SEC14L6: variants seen among roughly 807,000 people sequenced by gnomAD.
SEC14L6 encodes SEC14 like lipid binding 6.
Under a neutral mutation model 54.1 loss-of-function variants are expected in SEC14L6, and 40 were observed. The ratio of observed to expected loss-of-function variants is 0.74; its 90% confidence interval spans 0.57 to 0.96. The LOEUF (loss-of-function observed/expected upper bound fraction) is 0.96, where lower values mean the gene tolerates loss of function less well. Ranked by LOEUF, SEC14L6 falls within the 40% of genes least tolerant of loss-of-function variation. The pLI is 0.00. For synonymous variants in SEC14L6, 171 were observed against 198.4 expected (o/e 0.86, Z 1.16); for missense variants, 471 against 498.3 (o/e 0.95, Z 0.52).
In SEC14L6 at chr22:30,529,110, C is replaced by A. The variant is rs754377152; in HGVS notation, c.641G>T (p.Arg214Leu). The change falls in exon 8 of 12, where the codon CGC (arginine) becomes CTC (leucine). Residue 214 changes from arginine to leucine, a missense_variant. Arg to Leu is a moderately radical substitution (Grantham distance 102). Coordinates refer to ENST00000402034, the MANE Select transcript of SEC14L6 (RefSeq NM_001193336.4). Reference protein sequence around the residue: ...LVKSYMSEETRRKVVILGDNW... With the variant: ...LVKSYMSEETLRKVVILGDNW... Reference sequence around the variant, plus strand: ...ACCTCCGAGAATCACCACCTTCCTGCGTGTCTCTTCACTCATGTAAGACTT... The same window carrying A: ...ACCTCCGAGAATCACCACCTTCCTGAGTGTCTCTTCACTCATGTAAGACTT... 2 of 1,551,138 alleles carry A rather than the reference C, an allele frequency of 1.3e-6. No homozygotes were observed. Among genetic ancestry groups the A allele is most frequent in the Non-Finnish European group, 1.7e-6 (2 of 1,147,076 alleles).
intron 2 of SEC14L6, among the ~76,000 whole-genome samples, chr22:30,535,113 TATC>T (rs1937103466): frequency 6.6e-6 from 1 of 152,162 alleles, no homozygotes; most frequent in Non-Finnish European, 1.5e-5. Context: ...TTTATAGAAA[TATC>T]ATTTTGTTTT....
intron 6 of SEC14L6, among the ~76,000 whole-genome samples, chr22:30,531,157 C>A (rs932214989): frequency 1.3e-5 from 2 of 152,128 alleles, no homozygotes; most frequent in African/African-American, 4.8e-5. Flanking sequence ...CCTATAATCC[C>A]AGCACTTTGG....
intron 1 of SEC14L6, chr22:30,543,921 A>G: frequency 1.9e-6 from 3 of 1,605,388 alleles, no homozygotes; most frequent in Non-Finnish European, 2.6e-6. Flanking sequence ...ACAACCACAC[A>G]GAGTATGCCA....
intron 8 of SEC14L6, among the ~76,000 whole-genome samples, chr22:30,526,957 G>A (rs908141820): frequency 1.3e-5 from 2 of 152,002 alleles, no homozygotes; most frequent in Non-Finnish European, 2.9e-5. Flanking sequence ...AATGTGCCAC[G>A]TGTGGTAGTG....
intron 10 of SEC14L6, 23 bp downstream of exon 10, chr22:30,525,588 T>C: frequency 6.2e-7 from 1 of 1,610,090 alleles, no homozygotes; most frequent in Non-Finnish European, 8.5e-7. Context: ...TGTGCCCAGG[T>C]GTAGAGTGGC....
chr22:30,542,441 G>A, intron 1 of SEC14L6: 1 of 485,296 alleles, frequency 2.1e-6, no homozygotes, highest in Admixed American at 4.2e-5. Context: ...TTAAGAGGAC[G>A]ATGTAGCCAG....
Position 30,525,650 on chromosome 22 carries a change from T to G in SEC14L6, c.872A>C (p.Gln291Pro), listed in dbSNP as rs1936747473. 2 of 1,610,690 alleles carry G rather than the reference T, an allele frequency of 1.2e-6. No individual in the cohort carries two copies. Among genetic ancestry groups the G allele is most frequent in the Admixed American group, 1.7e-5 (1 of 59,454 alleles). Residue 291 changes from glutamine to proline, a missense_variant, in exon 10 of 12, where the codon CAG becomes CCG. By Grantham distance (76) the Gln-to-Pro change is moderately conservative. Coordinates refer to ENST00000402034, the MANE Select transcript of SEC14L6 (RefSeq NM_001193336.4). ...TRSVGRGSSL[Q>P]VENEILFPGC... ...CGGGAACAGGATCTCGTTCTCCACC[T>G]GCAGGGAGGAGCCGCGGCCCACGGA...
intron 1 of SEC14L6, 123 bp downstream of exon 1, chr22:30,546,506 T>A: frequency 1.3e-6 from 1 of 774,906 alleles, no homozygotes; most frequent in Non-Finnish European, 2.0e-6. Context: ...ACCAAGCCCC[T>A]CAGGGTTGGG....
chr22:30,545,392 A>G (rs1640006122), intron 1 of SEC14L6, among the ~76,000 whole-genome samples: 1 of 151,404 alleles, frequency 6.6e-6, no homozygotes, highest in African/African-American at 2.4e-5. Flanking sequence ...TCCCCTCAAA[A>G]CACTCATTTT....
At chr22:30,541,047 CT>C (rs1395270559) in intron 1 of SEC14L6, among the ~76,000 whole-genome samples, 2 of 150,992 alleles carry the variant, frequency 1.3e-5, no homozygotes, top group African/African-American at 4.9e-5. Flanking sequence ...ATTACTTGAA[CT>C]TTTTTTTAAT....
chr22:30,544,778 C>T (rs985196831), intron 1 of SEC14L6, among the ~76,000 whole-genome samples: 3 of 152,156 alleles, frequency 2.0e-5, no homozygotes, highest in African/African-American at 7.2e-5. Context: ...CCCTTCTAGA[C>T]CTGAGCTTGC....
intron 8 of SEC14L6, among the ~76,000 whole-genome samples, chr22:30,527,943 CA>C (rs1217936338): frequency 6.6e-6 from 1 of 151,530 alleles, no homozygotes; most frequent in Non-Finnish European, 1.5e-5. Context: ...TAAGTAGTTA[CA>C]AAAGGGTATA....
chr22:30,532,985 C>A, intron 3 of SEC14L6, 129 bp from the exon 4 acceptor site: 1 of 1,504,656 alleles, frequency 6.6e-7, no homozygotes, highest in South Asian at 1.3e-5. Context: ...CCCCAGGCTC[C>A]ACTGACATAG....
At chr22:30,532,026 C>A in intron 5 of SEC14L6, 28 bp from the exon 6 acceptor site, 1 of 1,545,872 alleles carries the variant, frequency 6.5e-7, no homozygotes. Context: ...GGGGTGAGAC[C>A]CTGTGAGGGC....
chr22:30,535,232 G>A (rs1448820385), intron 2 of SEC14L6, among the ~76,000 whole-genome samples: 3 of 152,142 alleles, frequency 2.0e-5, no homozygotes, highest in African/African-American at 7.2e-5. Flanking sequence ...GGTCCTAGCG[G>A]CCCCAGCAGG....
At chr22:30,540,209 G>A (rs1318463676) in intron 1 of SEC14L6, among the ~76,000 whole-genome samples, 1 of 152,108 alleles carries the variant, frequency 6.6e-6, no homozygotes, top group East Asian at 1.9e-4. Context: ...AATTCGCTAA[G>A]TGAGGAAACT....
In SEC14L6 at chr22:30,533,991, C is replaced by A. The variant is rs1005520467; in HGVS notation, c.174+5G>T. On this transcript the variant is annotated splice_donor_5th_base_variant and intron_variant, in intron 3 of 11. Coordinates refer to ENST00000402034, the MANE Select transcript of SEC14L6 (RefSeq NM_001193336.4). Reference sequence around the variant, plus strand: ...AGGCTAGGCAGGGGGAGGTGTCAACCTCACCTTCCTCAGCATGTCCTCTGA... The same window carrying A: ...AGGCTAGGCAGGGGGAGGTGTCAACATCACCTTCCTCAGCATGTCCTCTGA... The A allele has an allele frequency of 6.5e-7, 1 of 1,550,336 alleles. No individual in the cohort carries two copies.
chr22:30,524,871 A>G lies in SEC14L6; in HGVS notation c.*126T>C. On this transcript the variant is annotated 3_prime_UTR_variant, in exon 12 of 12. Coordinates refer to ENST00000402034, the MANE Select transcript of SEC14L6 (RefSeq NM_001193336.4). ...GAGGAGTGGGCCAGCTGTGATGCATAGGCTGTGACCTGCTGTTGTAGAATC... is the reference window on the plus strand; with the variant it reads ...GAGGAGTGGGCCAGCTGTGATGCATGGGCTGTGACCTGCTGTTGTAGAATC... 1.5e-6 allele frequency: 1 copy of G among 648,944 alleles called. No homozygotes were observed. Among genetic ancestry groups the G allele is most frequent in the Admixed American group, 2.2e-5 (1 of 45,028 alleles). 40.2% of individuals were successfully genotyped at this position (648,944 alleles called of 1,614,324 possible).
intron 8 of SEC14L6, among the ~76,000 whole-genome samples, chr22:30,527,128 A>T (rs1001434167): frequency 2.0e-5 from 3 of 151,468 alleles, no homozygotes; most frequent in Non-Finnish European, 2.9e-5. Flanking sequence ...CATATATATA[A>T]GTATATATCT....
Sources: gnomAD v4.1 joint callset for allele counts (sites outside exome capture counted in the v4.1 genomes callset) on GRCh38, gnomAD v4.1.1 for gene constraint, MANE v1.5 for transcripts, NCBI Gene and HGNC (gene_info 2026-07-23, HGNC 2026-07-21) for gene names.